KPNA7: variants seen among roughly 807,000 people sequenced by gnomAD.
KPNA7 encodes importin subunit alpha-8.
Under a neutral mutation model 53.7 loss-of-function variants are expected in KPNA7, and 54 were observed. The ratio of observed to expected loss-of-function variants is 1.01; its 90% CI spans 0.81 to 1.26. The LOEUF is 1.26. KPNA7 is among the 50% of genes most tolerant of loss of function. KPNA7 has a pLI of 0.00. For missense variants in KPNA7, 640 were observed against 644.5 expected (o/e 0.99, Z 0.07); for synonymous variants, 276 against 259.3 (o/e 1.06, Z -0.62).
At chr7:99,169,178 T>A (rs192210676), downstream of KPNA7, among the ~76,000 whole-genome samples, 428 of 152,142 alleles carry the variant, frequency 2.8e-3, 1 homozygote, top group African/African-American at 0.01. Flanking sequence ...TTTAAAATAA[T>A]GTAAACTGAA....
chr7:99,159,399 G>A, the KPNA7 span, among the ~76,000 whole-genome samples: 5 of 150,902 alleles, frequency 3.3e-5, no homozygotes, highest in Admixed American at 2.0e-4. Flanking sequence ...TTCGCTGCCA[G>A]GTGGGGCAGG....
At chr7:99,167,241 G>C in the KPNA7 span, among the ~76,000 whole-genome samples, 1 of 152,088 alleles carries the variant, frequency 6.6e-6, no homozygotes, top group African/African-American at 2.4e-5. Flanking sequence ...AGATCTACCA[G>C]ACTACCTTCT....
chr7:99,160,923 G>A, the KPNA7 span, among the ~76,000 whole-genome samples: 1,783 of 151,976 alleles, frequency 0.012, 34 homozygotes, highest in African/African-American at 0.041. Context: ...CTGGAGTGCA[G>A]TCACATGATG....
At chr7:99,177,446 A>C (rs997901493) in intron 10 of KPNA7, among the ~76,000 whole-genome samples, 2 of 151,916 alleles carry the variant, frequency 1.3e-5, no homozygotes, top group African/African-American at 2.4e-5. Flanking sequence ...GTCGTAGTAC[A>C]TCTCTCTAAT....
At chr7:99,152,862 G>A in the KPNA7 span, among the ~76,000 whole-genome samples, 1 of 152,200 alleles carries the variant, frequency 6.6e-6, no homozygotes, top group Non-Finnish European at 1.5e-5. Flanking sequence ...TTTAATAAGT[G>A]AGAGTCCTCA....
chr7:99,189,546 A>G (rs1024685112), intron 6 of KPNA7, among the ~76,000 whole-genome samples: 2 of 151,928 alleles, frequency 1.3e-5, no homozygotes, highest in Non-Finnish European at 2.9e-5. Flanking sequence ...CCATCATCAC[A>G]CTTCTGTCTT....
chr7:99,199,722 A>C (rs1456932715), intron 3 of KPNA7, among the ~76,000 whole-genome samples: 1 of 152,206 alleles, frequency 6.6e-6, no homozygotes, highest in Non-Finnish European at 1.5e-5. Context: ...ACAAACAACC[A>C]AGAAAATAAA....
At chr7:99,185,456 C>A (rs1324401910) in intron 7 of KPNA7, among the ~76,000 whole-genome samples, 1 of 152,174 alleles carries the variant, frequency 6.6e-6, no homozygotes, top group Non-Finnish European at 1.5e-5. Context: ...AAGTGATCCT[C>A]CTCCCCCAGC....
chr7:99,161,858 T>C, the KPNA7 span, among the ~76,000 whole-genome samples: 2 of 152,086 alleles, frequency 1.3e-5, no homozygotes, highest in African/African-American at 4.8e-5. Flanking sequence ...ATGTCCAGGC[T>C]TAGGCTATTT....
chr7:99,189,855 A>C (rs1174015527), intron 6 of KPNA7, among the ~76,000 whole-genome samples: 1 of 151,992 alleles, frequency 6.6e-6, no homozygotes, highest in East Asian at 1.9e-4. Context: ...GCCTCCCAAA[A>C]TGCTGGGATT....
chr7:99,152,252 C>G, the KPNA7 span, among the ~76,000 whole-genome samples: 1 of 151,636 alleles, frequency 6.6e-6, no homozygotes, highest in Non-Finnish European at 1.5e-5. Context: ...ATCCCAGTTA[C>G]ACGGGAGGCT....
At chr7:99,195,820 T>A (rs138564673) in intron 4 of KPNA7, among the ~76,000 whole-genome samples, 1 of 152,226 alleles carries the variant, frequency 6.6e-6, no homozygotes, top group Non-Finnish European at 1.5e-5. Context: ...TTTTCCCCTT[T>A]AAGGTGTTAT....
At chr7:99,175,587 C>T (rs892247587) in intron 10 of KPNA7, among the ~76,000 whole-genome samples, 5 of 151,926 alleles carry the variant, frequency 3.3e-5, no homozygotes, top group South Asian at 2.1e-4. Context: ...ACCATCTTGG[C>T]TCACTGCAAC....
At position 99,178,064 on chromosome 7, in the gene KPNA7, C is replaced by G; in HGVS notation, c.1320G>C (p.Ala440=). ...TTTCCTTCTCAGACCGTTTCTCTGC[C>G]GCCTGTGACCAAGTACAAGGGGACA... ...ILDVISCILQ[A]AEKRSEKENL... is the part of the protein sequence containing the mutation. The change falls in exon 10 of 11, where the codon GCG becomes GCC. Residue 440 remains alanine, a splice_region_variant and synonymous_variant. Coordinates refer to ENST00000327442, the MANE Select transcript of KPNA7 (RefSeq NM_001145715.3). 1 of 1,551,226 alleles carries G rather than the reference C, an allele frequency of 6.4e-7. No homozygotes were observed. The highest frequency in any genetic ancestry group is 1.2e-5 in the South Asian group (1 of 83,944).
chr7:99,215,366 T>A (rs1457550921), intron 1 of KPNA7, among the ~76,000 whole-genome samples: 1 of 46,192 alleles, frequency 2.2e-5, no homozygotes, highest in Non-Finnish European at 3.8e-5. Context: ...AGCGAGACTG[T>A]CTCAAAAAAA....
At chr7:99,159,647 G>T in the KPNA7 span, among the ~76,000 whole-genome samples, 1 of 152,044 alleles carries the variant, frequency 6.6e-6, no homozygotes, top group African/African-American at 2.4e-5. Context: ...CTTCATCTAT[G>T]ATCATTCCGA....
chr7:99,147,051 G>A, the KPNA7 span, among the ~76,000 whole-genome samples: 4 of 152,250 alleles, frequency 2.6e-5, 1 homozygote, highest in East Asian at 7.7e-4. Context: ...CACCACAGCT[G>A]CACAAAGGGG....
Position 99,187,810 on chromosome 7 carries a change from A to T in KPNA7, c.900+490T>A, listed in dbSNP as rs867031444. 6.3e-3 allele frequency among the ~76,000 whole-genome samples: 624 copies of T among 99,206 alleles called. 107 individuals are homozygous for T. The highest frequency in any genetic ancestry group is 0.011 in the East Asian group (41 of 3,810). 65.1% of individuals were successfully genotyped at this position (99,206 alleles called of 152,430 possible). ...CCGGCCTTTTTTTTTAAAAAAAAAAAAAAAAAAAAAAAAAAAAAAAAAAAA... is the reference window on the plus strand; with the variant it reads ...CCGGCCTTTTTTTTTAAAAAAAAAATAAAAAAAAAAAAAAAAAAAAAAAAA... On this transcript the variant is annotated intron_variant, in intron 7 of 10. Coordinates refer to ENST00000327442, the MANE Select transcript of KPNA7 (RefSeq NM_001145715.3).
Position 99,198,136 on chromosome 7 carries a change from A to C in KPNA7, c.202-1970T>G, listed in dbSNP as rs570427105. On this transcript the variant is annotated intron_variant, in intron 3 of 10. Coordinates refer to ENST00000327442, the MANE Select transcript of KPNA7 (RefSeq NM_001145715.3). ...ATTAACAGCTGATTTCTTATCAGAAAGCATCAAGGCCAAAAAGCTGAGGTG... is the reference window on the plus strand; with the variant it reads ...ATTAACAGCTGATTTCTTATCAGAACGCATCAAGGCCAAAAAGCTGAGGTG... 2.0e-4 allele frequency among the ~76,000 whole-genome samples: 31 copies of C among 152,282 alleles called. No individual in the cohort carries two copies. In the East Asian group the frequency reaches 6.0e-3, roughly 29 times the overall value.
Sources: gnomAD v4.1 joint callset for allele counts (sites outside exome capture counted in the v4.1 genomes callset) on GRCh38, gnomAD v4.1.1 for gene constraint, MANE v1.5 for transcripts, NCBI Gene and HGNC (gene_info 2026-07-23, HGNC 2026-07-21) for gene names.